The following FYB2 variants were observed in gnomAD, a reference collection of about 807,000 sequenced individuals.
The protein encoded by FYB2 is FYN binding protein 2.
In FYB2, 103 loss-of-function variants were observed where a neutral mutation model predicts 94.1. The ratio of observed to expected loss-of-function variants is 1.09; its 90% CI spans 0.93 to 1.29. The LOEUF (loss-of-function observed/expected upper bound fraction) is 1.29, where lower values mean the gene tolerates loss of function less well. FYB2 is among the 50% of genes most tolerant of loss of function. The pLI is 0.00. For missense variants in FYB2, 896 were observed against 841.5 expected (o/e 1.06, Z -0.80); for synonymous variants, 293 against 287.9 (o/e 1.02, Z -0.18).
chr1:56,806,751 C>T (rs1007605273), intron 1 of FYB2, among the ~76,000 whole-genome samples: 1 of 140,272 alleles, frequency 7.1e-6, no homozygotes, highest in Non-Finnish European at 1.6e-5. Flanking sequence ...CAGCCAAAAC[C>T]AAAAAATGCT....
At chr1:56,819,584 G>T, upstream of FYB2, 1 of 550,306 alleles carries the variant, frequency 1.8e-6, no homozygotes, top group South Asian at 2.1e-5. Context: ...TCAGCAAGCG[G>T]CTCTTCCCGT....
Position 56,740,778 on chromosome 1 carries a change from G to A in FYB2, c.1622C>T (p.Ala541Val). 1 of 1,603,994 alleles carries A rather than the reference G, an allele frequency of 6.2e-7. No homozygotes were observed. Among genetic ancestry groups the A allele is most frequent in the Non-Finnish European group, 8.5e-7 (1 of 1,174,126 alleles). The change falls in exon 13 of 20, where the codon GCA becomes GTA. Residue 541 changes from alanine (A) to valine (V), a missense_variant. Physicochemically the swap from Ala to Val is moderately conservative, Grantham distance 64. Coordinates refer to ENST00000343433, the MANE Select transcript of FYB2 (RefSeq NM_001004303.5). The stretch of plus-strand genomic sequence containing the variant: ...GAAGAATTGCTGCAGTCTTTTGAGT[G>A]CTTCTTTTCCATCTAAACTGAGAGG... ...YPKIDLDGKE[A>V]LKRLQQFFKK...
At chr1:56,803,966 A>G (rs1348004327) in intron 1 of FYB2, among the ~76,000 whole-genome samples, 1 of 152,180 alleles carries the variant, frequency 6.6e-6, no homozygotes, top group Non-Finnish European at 1.5e-5. Context: ...CTGGCTGTGC[A>G]TGGGAATATC....
At chr1:56,777,270 A>AAAAAAAAAAAT (rs1645901648) in intron 4 of FYB2, among the ~76,000 whole-genome samples, 1 of 8,042 alleles carries the variant, frequency 1.2e-4, no homozygotes, top group Non-Finnish European at 1.8e-4. Flanking sequence ...AAAAAAAAAA[A>AAAAAAAAAAAT]AAAAGAAAAT....
chr1:56,750,851 G>A (rs1645180009), intron 9 of FYB2, among the ~76,000 whole-genome samples, 193 bp downstream of exon 9: 1 of 151,938 alleles, frequency 6.6e-6, no homozygotes, highest in Non-Finnish European at 1.5e-5. Context: ...TTAGAGCTTA[G>A]GTTTGAACTC....
Position 56,792,302 on chromosome 1 carries a change from C to G in FYB2, c.511G>C (p.Gly171Arg), listed in dbSNP as rs1646288705. The G allele has an allele frequency of 6.2e-7, 1 of 1,613,706 alleles. No homozygotes were observed. Among genetic ancestry groups the G allele is most frequent in the Admixed American group, 1.7e-5 (1 of 59,932 alleles). Residue 171 changes from glycine to arginine, a missense_variant, in exon 2 of 20, where the codon GGG (glycine) becomes CGG (arginine). Transcript: ENST00000343433. Reference sequence around the variant, plus strand: ...GGAGTAAGCCCCATGCCTTTTTGCCCTTCCAGATGGATGGCCTTACTTCCA... The same window carrying G: ...GGAGTAAGCCCCATGCCTTTTTGCCGTTCCAGATGGATGGCCTTACTTCCA... ...NYGSKAIHLE[G>R]QKGMGLTPEE...
intron 4 of FYB2, among the ~76,000 whole-genome samples, chr1:56,781,408 A>G (rs1335339614): frequency 6.6e-6 from 1 of 152,094 alleles, no homozygotes; most frequent in African/African-American, 2.4e-5. Context: ...CAAATCTTTA[A>G]TCCGTCAACT....
intron 7 of FYB2, 94 bp from the exon 8 acceptor site, chr1:56,754,029 T>C (rs1645265660): frequency 2.6e-6 from 2 of 756,376 alleles, no homozygotes; most frequent in African/African-American, 1.8e-5. Flanking sequence ...ATGGGAAAAA[T>C]AGATTTGAAC....
chr1:56,719,566 C>A lies in FYB2; in HGVS notation c.*105G>T. 1.0e-6 allele frequency: 1 copy of A among 966,134 alleles called. No individual in the cohort carries two copies. The highest frequency in any genetic ancestry group is 1.5e-6 in the Non-Finnish European group (1 of 659,440). The allele number at this position is 966,134 out of a possible 1,614,324, so 59.8% of individuals were successfully genotyped here. A position where few individuals can be genotyped will look rare whatever the true frequency, so the allele number is the denominator to read the frequency against. On this transcript the variant is annotated 3_prime_UTR_variant, in exon 20 of 20. Transcript: ENST00000343433. ...AGAACGAAAGTTTCCACAGATTCCA[C>A]CATCTCAAAATTTTGACATGTAAAC...
rs1464948767 is a variant in FYB2, at chr1:56,792,799, C to T, written c.14G>A (p.Gly5Glu). MEGEGVRNFKELRAK... is the reference protein window; with the variant it reads MEGEEVRNFKELRAK... ...TCGAAGTTCCTTGAAGTTTCTTACCCCTTCCTAAGGCAAAGAATAATCAAA... is the reference window on the plus strand; with the variant it reads ...TCGAAGTTCCTTGAAGTTTCTTACCTCTTCCTAAGGCAAAGAATAATCAAA... The change falls in exon 2 of 20, where the codon GGG (glycine) becomes GAG (glutamate). Residue 5 changes from glycine to glutamate, a missense_variant. Gly to Glu is a moderately conservative substitution (Grantham distance 98). Coordinates refer to ENST00000343433, the MANE Select transcript of FYB2 (RefSeq NM_001004303.5). The T allele has an allele frequency of 2.5e-6, 4 of 1,608,608 alleles. No individual in the cohort carries two copies. The highest frequency in any genetic ancestry group is 1.1e-5 in the South Asian group (1 of 90,778).
At position 56,742,161 on chromosome 1, in the gene FYB2, T is replaced by C; in HGVS notation, c.1604A>G (p.Asp535Gly). 6.2e-7 allele frequency: 1 copy of C among 1,603,732 alleles called. No individual in the cohort carries two copies. The highest frequency in any genetic ancestry group is 8.5e-7 in the Non-Finnish European group (1 of 1,172,368). The change falls in exon 12 of 20, where the codon GAT becomes GGT. Residue 535 changes from aspartate to glycine, a missense_variant and splice_region_variant. Transcript: ENST00000343433. ...YKTKNNYPKI[D>G]LDGKEALKRL... is the part of the protein sequence containing the mutation. The stretch of plus-strand genomic sequence containing the variant: ...AAAGCCAAGAAAGAGAGAAACTCAC[T>C]CTATCTTTGGGTAGTTGTTCTTTGT...
intron 1 of FYB2, among the ~76,000 whole-genome samples, chr1:56,800,975 C>T (rs1646506505): frequency 6.6e-6 from 1 of 152,132 alleles, no homozygotes; most frequent in South Asian, 2.1e-4. Flanking sequence ...GACTTACATC[C>T]CCATTTACCT....
At chr1:56,732,796 C>T (rs916513580) in intron 15 of FYB2, among the ~76,000 whole-genome samples, 1 of 149,230 alleles carries the variant, frequency 6.7e-6, no homozygotes, top group East Asian at 2.0e-4. Flanking sequence ...TAAAACTAGA[C>T]CCCCCCACCC....
chr1:56,726,676 AAATT>A, intron 15 of FYB2, 93 bp from the exon 16 acceptor site: 1 of 1,062,774 alleles, frequency 9.4e-7, no homozygotes, highest in Non-Finnish European at 1.4e-6. Context: ...GTTTTACAAA[AAATT>A]AAAAAGTCAT....
At chr1:56,812,211 A>G (rs1169113591) in intron 1 of FYB2, among the ~76,000 whole-genome samples, 1 of 152,222 alleles carries the variant, frequency 6.6e-6, no homozygotes, top group Admixed American at 6.5e-5. Flanking sequence ...GGAAATCTGA[A>G]ACTCACAGAA....
chr1:56,726,417 A>T, intron 16 of FYB2, 80 bp downstream of exon 16: 1 of 1,285,038 alleles, frequency 7.8e-7, no homozygotes, highest in Non-Finnish European at 1.1e-6. Flanking sequence ...AAATTTCATT[A>T]CTTATCTGAG....
chr1:56,742,170 G>C lies in FYB2; in HGVS notation c.1595C>G (p.Pro532Arg). 6.2e-7 allele frequency: 1 copy of C among 1,604,588 alleles called. No individual in the cohort carries two copies. Among genetic ancestry groups the C allele is most frequent in the Admixed American group, 1.7e-5 (1 of 59,372 alleles). ...EDVYKTKNNY[P>R]KIDLDGKEAL... ...AAAGAGAGAAACTCACTCTATCTTT[G>C]GGTAGTTGTTCTTTGTTTTGTAGAC... Residue 532 changes from proline to arginine, a missense_variant, in exon 12 of 20, where the codon CCA becomes CGA. Transcript: ENST00000343433.
At chr1:56,798,676 C>G (rs1260317448) in intron 1 of FYB2, among the ~76,000 whole-genome samples, 1 of 152,084 alleles carries the variant, frequency 6.6e-6, no homozygotes, top group Non-Finnish European at 1.5e-5. Context: ...CAAAAATGGG[C>G]AAACACATGA....
intron 5 of FYB2, among the ~76,000 whole-genome samples, chr1:56,764,771 G>T (rs1228950237): frequency 6.6e-6 from 1 of 151,876 alleles, no homozygotes; most frequent in Admixed American, 6.6e-5. Context: ...ACCATAAATT[G>T]CATGGCTAAT....
Sources: allele counts gnomAD v4.1 joint callset (sites outside exome capture counted in the v4.1 genomes callset), GRCh38; gene constraint gnomAD v4.1.1; transcripts MANE v1.5; gene names NCBI Gene and HGNC (gene_info 2026-07-23, HGNC 2026-07-21).